Variants in PRH1 observed in about 807,000 individuals in gnomAD.
PRH1 encodes the protein proline rich protein HaeIII subfamily 1, also known as salivary acidic proline-rich phosphoprotein 1/2.
A neutral mutation model predicts 7.9 loss-of-function variants in PRH1; 7 were observed. The observed-to-expected ratio is 0.89, with a 90% CI of 0.50 to 1.67. The LOEUF is 1.67. PRH1 is among the 40% of genes most tolerant of loss of function. The pLI, the probability that PRH1 is intolerant of heterozygous loss-of-function variation, is 0.00. For missense variants in PRH1, 109 were observed against 223.6 expected, an observed-to-expected ratio of 0.49 and a Z score of 3.27; for synonymous variants, 45 against 80.8, an observed-to-expected ratio of 0.56 and a Z score of 2.38.
intron 1 of PRH1, among the ~76,000 whole-genome samples, chr12:11,152,279 T>G (rs36062343): frequency 1.5e-5 from 2 of 137,552 alleles, no homozygotes; most frequent in East Asian, 4.3e-4. Flanking sequence ...TTATTATAAA[T>G]AAAATTTTAA....
intron 1 of PRH1, among the ~76,000 whole-genome samples, chr12:11,067,749 G>A (rs1440670820): frequency 1.3e-5 from 2 of 152,160 alleles, no homozygotes; most frequent in African/African-American, 2.4e-5. Context: ...TGTTGTCCTA[G>A]CTACTCTGGA....
intron 1 of PRH1, among the ~76,000 whole-genome samples, chr12:11,017,106 A>G (rs1941331806): frequency 1.3e-5 from 2 of 152,284 alleles, no homozygotes; most frequent in Admixed American, 6.5e-5. Context: ...GGCAGTTTGC[A>G]TGTGGCTCTT....
Position 11,097,605 on chromosome 12 carries a change from A to G in PRH1, n.124-50417T>C, listed in dbSNP as rs1176825379. Among the ~76,000 whole-genome samples the G allele has an allele frequency of 4.4e-5, 5 of 114,754 alleles. No individual in the cohort carries two copies. In the East Asian group the frequency reaches 1.0e-3, roughly 24 times the overall value. 75.3% of individuals were successfully genotyped at this position (114,754 alleles called of 152,430 possible). A position where few individuals can be genotyped will look rare whatever the true frequency, so the allele number is the denominator to read the frequency against. Reference sequence around the variant, plus strand: ...TAATTTCTAAATCTAAATGTATTGGAGCTTGACTTGAACTTTGCTGTTTAC... The same window carrying G: ...TAATTTCTAAATCTAAATGTATTGGGGCTTGACTTGAACTTTGCTGTTTAC... On this transcript the variant is annotated intron_variant and non_coding_transcript_variant, in intron 1 of 4. Coordinates refer to the PRH1 transcript ENST00000541977.
chr12:11,154,198 T>C (rs1047857511), intron 1 of PRH1, among the ~76,000 whole-genome samples: 1 of 152,210 alleles, frequency 6.6e-6, no homozygotes, highest in Non-Finnish European at 1.5e-5. Flanking sequence ...TTTTTATCAA[T>C]AATTCTTTTA....
At chr12:11,102,307 A>G (rs1286840195) in intron 1 of PRH1, among the ~76,000 whole-genome samples, 2 of 152,240 alleles carry the variant, frequency 1.3e-5, no homozygotes, top group African/African-American at 2.4e-5. Context: ...ACAAGGCTAT[A>G]GTAACCAAAA....
At chr12:11,015,129 T>C (rs879228593) in intron 1 of PRH1, among the ~76,000 whole-genome samples, 1 of 145,904 alleles carries the variant, frequency 6.9e-6, no homozygotes, top group Non-Finnish European at 1.5e-5. Flanking sequence ...GAATGCCTCA[T>C]GCAAGCATGT....
chr12:10,885,999 T>A (rs1413274250), upstream of PRH1, among the ~76,000 whole-genome samples: 1 of 152,154 alleles, frequency 6.6e-6, no homozygotes, highest in African/African-American at 2.4e-5. Flanking sequence ...GGCAGATTGG[T>A]ATTTTCCCTG....
intron 1 of PRH1, chr12:11,133,242 T>G: frequency 6.5e-7 from 1 of 1,544,844 alleles, no homozygotes; most frequent in Non-Finnish European, 8.7e-7. Flanking sequence ...GAAAACCCAG[T>G]AAGAAATATA....
At chr12:11,057,690 A>G (rs1395716233) in intron 1 of PRH1, among the ~76,000 whole-genome samples, 1 of 151,980 alleles carries the variant, frequency 6.6e-6, no homozygotes, top group Non-Finnish European at 1.5e-5. Context: ...AGTGCAGATT[A>G]CCATAAACTT....
intron 2 of PRH1, among the ~76,000 whole-genome samples, chr12:10,912,978 T>C (rs993800235): frequency 6.6e-6 from 1 of 152,206 alleles, no homozygotes; most frequent in African/African-American, 2.4e-5. Flanking sequence ...TATTATTTCT[T>C]GAGATTTAAT....
chr12:11,027,795 G>C (rs1941993459), intron 1 of PRH1, among the ~76,000 whole-genome samples: 1 of 152,198 alleles, frequency 6.6e-6, no homozygotes, highest in Non-Finnish European at 1.5e-5. Flanking sequence ...TTGGAGAGGG[G>C]AGAGCAAATC....
chr12:11,132,192 A>G (rs1182600621), intron 1 of PRH1, among the ~76,000 whole-genome samples: 1 of 152,254 alleles, frequency 6.6e-6, no homozygotes, highest in Non-Finnish European at 1.5e-5. Flanking sequence ...ATATGTCAAG[A>G]CAATTCCATT....
chr12:10,889,409 C>A (rs940189666), intron 2 of PRH1, among the ~76,000 whole-genome samples: 3 of 152,130 alleles, frequency 2.0e-5, no homozygotes, highest in Non-Finnish European at 2.9e-5. Flanking sequence ...TTCCCTATAA[C>A]TATGATGTCA....
At chr12:10,900,255 G>A (rs1949704832) in intron 2 of PRH1, among the ~76,000 whole-genome samples, 1 of 152,182 alleles carries the variant, frequency 6.6e-6, no homozygotes. Flanking sequence ...TCAGAGGGAA[G>A]AGTACCTTGT....
At chr12:10,917,368 C>T (rs1949987360) in intron 2 of PRH1, among the ~76,000 whole-genome samples, 1 of 152,030 alleles carries the variant, frequency 6.6e-6, no homozygotes, top group African/African-American at 2.4e-5. Context: ...TGTTTCAGTA[C>T]TTCTCTCTTG....
At chr12:11,126,266 TTGG>T (rs1287554520) in intron 1 of PRH1, among the ~76,000 whole-genome samples, 35 of 108,028 alleles carry the variant, frequency 3.2e-4, no homozygotes, top group African/African-American at 5.3e-4. Flanking sequence ...ATAATCACTC[TTGG>T]GTCTCACTTT....
intron 1 of PRH1, among the ~76,000 whole-genome samples, chr12:11,064,782 T>C (rs147322939): frequency 1.2e-3 from 178 of 152,212 alleles, no homozygotes; most frequent in African/African-American, 4.0e-3. Flanking sequence ...AAAAGTCCTT[T>C]TATTGGCAAG....
intron 2 of PRH1, chr12:10,909,268 G>C: frequency 6.2e-7 from 1 of 1,613,288 alleles, no homozygotes; most frequent in Non-Finnish European, 8.5e-7. Context: ...ATTATTACAA[G>C]AGTGAAGATA....
At chr12:11,002,405 T>C (rs1940635812) in intron 1 of PRH1, among the ~76,000 whole-genome samples, 1 of 152,108 alleles carries the variant, frequency 6.6e-6, no homozygotes, top group African/African-American at 2.4e-5. Context: ...AAGAATAAGT[T>C]AAAACCAATG....
Sources: allele counts gnomAD v4.1 joint callset (sites outside exome capture counted in the v4.1 genomes callset), GRCh38; gene constraint gnomAD v4.1.1; transcripts MANE v1.5; gene names NCBI Gene and HGNC (gene_info 2026-07-23, HGNC 2026-07-21).